The following NCAPG2 variants were observed in gnomAD, a reference collection of about 807,000 sequenced individuals.
NCAPG2 encodes the protein condensin-2 complex subunit G2.
Under a neutral mutation model 141.1 loss-of-function variants are expected in NCAPG2, and 53 were observed. The observed-to-expected ratio is 0.38, with a 90% CI of 0.30 to 0.47. The LOEUF is 0.47. Ranked by LOEUF, NCAPG2 falls within the 20% of genes least tolerant of loss-of-function variation. NCAPG2 has a pLI of 0.99. For missense variants in NCAPG2, 1,087 were observed against 1,389.0 expected (o/e 0.78, Z 3.46); for synonymous variants, 499 against 490.7 (o/e 1.02, Z -0.22).
rs538815368 is a variant in NCAPG2, at chr7:158,657,563, G to A, written c.2060+775C>T. Among the ~76,000 whole-genome samples, 205 of 152,302 alleles carry A rather than the reference G, an allele frequency of 1.3e-3. 2 individuals are homozygous for A. The highest frequency in any genetic ancestry group is 3.7e-3 in the Admixed American group (57 of 15,310). On this transcript the variant is annotated intron_variant, in intron 17 of 27. Coordinates refer to ENST00000356309, the MANE Select transcript of NCAPG2 (RefSeq NM_017760.7). ...AGCCCCCCACCCGGCCAGCCGCCCCGTCCGGGAGGTGAGGGGTGCCTCTGC... is the reference window on the plus strand; with the variant it reads ...AGCCCCCCACCCGGCCAGCCGCCCCATCCGGGAGGTGAGGGGTGCCTCTGC...
Position 158,655,198 on chromosome 7 carries a change from T to C in NCAPG2, c.2566A>G (p.Ser856Gly). 1.9e-6 allele frequency: 3 copies of C among 1,614,194 alleles called. No individual in the cohort carries two copies. The highest frequency in any genetic ancestry group is 2.5e-6 in the Non-Finnish European group (3 of 1,180,022). ...MLEDTGFWLESKILSFIQDQE... is the reference protein window; with the variant it reads ...MLEDTGFWLEGKILSFIQDQE... ...TCTTGAATAAAAGATAAAATTTTGC[T>C]TTCTAACCAAAAGCCAGTGTCTTCC... The change falls in exon 21 of 28, where the codon AGC (serine) becomes GGC (glycine). Residue 856 changes from serine to glycine, a missense_variant. Transcript: ENST00000356309.
intron 27 of NCAPG2, among the ~76,000 whole-genome samples, chr7:158,642,678 A>G (rs1830729994): frequency 1.3e-5 from 2 of 152,186 alleles, no homozygotes; most frequent in Non-Finnish European, 2.9e-5. Context: ...AGAAAAATCT[A>G]AAATCAATCA....
In NCAPG2 at chr7:158,675,347, T is replaced by A. The variant is rs113153154; in HGVS notation, c.1326+130A>T. On this transcript the variant is annotated intron_variant, in intron 12 of 27. Transcript: ENST00000356309. ...TGGTTTTTAAAAACCTTACTTTGGA[T>A]ATATGACAGGTCAAAAATGTTATCT... 131 of 1,023,758 alleles carry A rather than the reference T, an allele frequency of 1.3e-4. 4 individuals are homozygous for A. In the African/African-American group the frequency reaches 1.5e-3, roughly 11 times the overall value. 63.4% of individuals were successfully genotyped at this position (1,023,758 alleles called of 1,614,324 possible).
intron 25 of NCAPG2, among the ~76,000 whole-genome samples, chr7:158,646,177 C>T (rs1000902434): frequency 2.0e-5 from 3 of 152,316 alleles, no homozygotes; most frequent in South Asian, 2.1e-4. Context: ...TAAACATTAA[C>T]ATTCTATATT....
intron 27 of NCAPG2, among the ~76,000 whole-genome samples, chr7:158,637,300 A>G (rs1419302980): frequency 6.6e-6 from 1 of 152,138 alleles, no homozygotes; most frequent in Non-Finnish European, 1.5e-5. Flanking sequence ...TTTTAGAATA[A>G]AGTACATAAT....
At chr7:158,682,903 A>C (rs891275502) in intron 9 of NCAPG2, among the ~76,000 whole-genome samples, 5 of 152,368 alleles carry the variant, frequency 3.3e-5, no homozygotes, top group South Asian at 2.1e-4. Flanking sequence ...ACAAAATATC[A>C]AAAGAAACAA....
chr7:158,651,101 C>A lies in NCAPG2; in HGVS notation c.2935-129G>T, dbSNP rs1831459247. On this transcript the variant is annotated intron_variant, in intron 23 of 27. Coordinates refer to ENST00000356309, the MANE Select transcript of NCAPG2 (RefSeq NM_017760.7). ...CTCAAGGAGTCACTGATCTTGTTTGCCTGCTACCAGTGCCCACTACATTCC... is the reference window on the plus strand; with the variant it reads ...CTCAAGGAGTCACTGATCTTGTTTGACTGCTACCAGTGCCCACTACATTCC... 5.0e-6 allele frequency: 5 copies of A among 992,714 alleles called. No individual in the cohort carries two copies. In the South Asian group the frequency reaches 9.5e-5, roughly 19 times the overall value. The allele number at this position is 992,714 out of a possible 1,614,324, so 61.5% of individuals were successfully genotyped here.
chr7:158,688,625 G>A (rs991895290), intron 6 of NCAPG2, among the ~76,000 whole-genome samples: 1 of 152,190 alleles, frequency 6.6e-6, no homozygotes, highest in South Asian at 2.1e-4. Context: ...CAGCGCCTGG[G>A]CTGCGGTTTG....
rs531640936 is a variant in NCAPG2, at chr7:158,633,968, T to C, written c.3381-2251A>G. 1.3e-5 allele frequency among the ~76,000 whole-genome samples: 2 copies of C among 152,210 alleles called. No individual in the cohort carries two copies. Among genetic ancestry groups the C allele is most frequent in the East Asian group, 1.9e-4 (1 of 5,176 alleles). On this transcript the variant is annotated intron_variant, in intron 27 of 27. Coordinates refer to ENST00000356309, the MANE Select transcript of NCAPG2 (RefSeq NM_017760.7). The surrounding 1 kb of genome is among the most constrained non-coding windows in gnomAD (Gnocchi z 4.1). ...GGTTTCACCATGTTACCCAGTCTAG[T>C]AGTGAACTCAGCTTAAGCAATCTGC...
chr7:158,642,047 TG>T (rs143040078), intron 27 of NCAPG2, among the ~76,000 whole-genome samples: 148 of 152,276 alleles, frequency 9.7e-4, no homozygotes, highest in African/African-American at 3.4e-3. Context: ...ATACAATGTC[TG>T]CTCTCAGGCT....
chr7:158,672,306 ATATATATATATATATATATATATTTTT>A (rs1833759004), intron 12 of NCAPG2, among the ~76,000 whole-genome samples: 1 of 23,590 alleles, frequency 4.2e-5, no homozygotes, highest in Non-Finnish European at 8.0e-5. Flanking sequence ...ATATATATAT[ATATATATATATATATATATATATTTTT>A]TTTTTTTTTT....
At chr7:158,663,793 T>C (rs1832716209) in intron 15 of NCAPG2, among the ~76,000 whole-genome samples, 1 of 152,242 alleles carries the variant, frequency 6.6e-6, no homozygotes, top group African/African-American at 2.4e-5. Flanking sequence ...GTTATTTTCT[T>C]CTAATATAAT....
rs555409632 is a variant in NCAPG2, at chr7:158,637,726, C to T, written c.3381-6009G>A. On this transcript the variant is annotated intron_variant, in intron 27 of 27. Transcript: ENST00000356309. ...CCAGGTCTCCCTGTCCGGGTGGGGG[C>T]TCCTTCCTTGGCGGCGCTCACCTAG... Among the ~76,000 whole-genome samples the T allele has an allele frequency of 1.6e-4, 24 of 152,216 alleles. 1 individual carries two copies. Among genetic ancestry groups the T allele is most frequent in the African/African-American group, 2.7e-4 (11 of 41,454 alleles).
intron 27 of NCAPG2, among the ~76,000 whole-genome samples, chr7:158,639,169 G>A (rs1160917104): frequency 6.6e-6 from 1 of 151,860 alleles, no homozygotes; most frequent in Non-Finnish European, 1.5e-5. Context: ...ATGCAGTGAC[G>A]TGATCTCGGC....
chr7:158,663,044 G>A (rs895064312), intron 15 of NCAPG2, among the ~76,000 whole-genome samples: 2 of 152,228 alleles, frequency 1.3e-5, no homozygotes, highest in African/African-American at 4.8e-5. Context: ...TCTACCCAGA[G>A]CCAGCAGTCC....
At chr7:158,657,472 C>T (rs555163630) in intron 17 of NCAPG2, among the ~76,000 whole-genome samples, 1 of 152,346 alleles carries the variant, frequency 6.6e-6, no homozygotes, top group Admixed American at 6.5e-5. Flanking sequence ...CATGCAGTCT[C>T]TTCTTTCATC....
chr7:158,687,282 G>T (rs1834826987), intron 7 of NCAPG2, 66 bp downstream of exon 7: 1 of 1,130,964 alleles, frequency 8.8e-7, no homozygotes, highest in South Asian at 1.5e-5. Context: ...TAAGAAGTCA[G>T]ACCAAATGGA....
In NCAPG2 at chr7:158,656,586, TCAA is replaced by T. The variant is rs1285341550; in HGVS notation, c.2177_2179del (p.Val726del). ...GGCATGCTCTGTGGGCAGCCAGTTG[TCAA>T]CAAGCTCCAGAATGTGCCCCACCTG... On this transcript the variant is annotated inframe_deletion, in exon 18 of 28. Transcript: ENST00000356309. 1 of 1,613,984 alleles carries T rather than the reference TCAA, an allele frequency of 6.2e-7. No homozygotes were observed.
intron 6 of NCAPG2, 120 bp downstream of exon 6, chr7:158,689,698 TA>T: frequency 1.2e-6 from 1 of 867,306 alleles, no homozygotes; most frequent in Non-Finnish European, 1.6e-6. Flanking sequence ...TCATGTGCAG[TA>T]AATAGCTCCT....
Sources: gnomAD v4.1 joint callset for allele counts (sites outside exome capture counted in the v4.1 genomes callset) on GRCh38, gnomAD v4.1.1 for gene constraint, Gnocchi (gnomAD v3.1) non-coding constraint, MANE v1.5 for transcripts, NCBI Gene and HGNC (gene_info 2026-07-23, HGNC 2026-07-21) for gene names.